Variants in FYN observed in about 807,000 individuals in gnomAD.
FYN encodes FYN proto-oncogene, Src family tyrosine kinase.
A neutral mutation model predicts 70.2 loss-of-function variants in FYN; 10 were observed. The ratio of observed to expected loss-of-function variants is 0.14; its 90% CI spans 0.09 to 0.24. The LOEUF (loss-of-function observed/expected upper bound fraction) is 0.24, where lower values mean the gene tolerates loss of function less well. Ranked by LOEUF, FYN falls within the 10% of genes least tolerant of loss-of-function variation. The pLI is 1.00. For synonymous variants in FYN, 236 were observed against 248.6 expected (o/e 0.95, Z 0.48); for missense variants, 319 against 673.1 (o/e 0.47, Z 5.82).
chr6:111,782,464 A>AC (rs1196114762), intron 2 of FYN, among the ~76,000 whole-genome samples: 1 of 152,174 alleles, frequency 6.6e-6, no homozygotes, highest in Non-Finnish European at 1.5e-5. Flanking sequence ...TAGATGGGAC[A>AC]CCTAAGCATT....
chr6:111,841,027 A>T (rs1462118522), intron 2 of FYN, among the ~76,000 whole-genome samples: 2 of 151,912 alleles, frequency 1.3e-5, no homozygotes, highest in African/African-American at 4.8e-5. Context: ...ATTTCTCCCC[A>T]CTCTCTCCTG....
At chr6:111,864,345 A>G (rs1774045739) in intron 1 of FYN, among the ~76,000 whole-genome samples, 1 of 152,220 alleles carries the variant, frequency 6.6e-6, no homozygotes, top group African/African-American at 2.4e-5. Flanking sequence ...GACGCTGACT[A>G]AATCACTTAG....
At chr6:111,679,785 T>C (rs1798707871) in intron 12 of FYN, among the ~76,000 whole-genome samples, 1 of 151,952 alleles carries the variant, frequency 6.6e-6, no homozygotes, top group East Asian at 1.9e-4. Context: ...CCAAAGGAAG[T>C]GTGTTCAGAT....
chr6:111,680,412 T>C (rs537864509), intron 12 of FYN, among the ~76,000 whole-genome samples: 2 of 152,342 alleles, frequency 1.3e-5, no homozygotes, highest in Admixed American at 1.3e-4. Flanking sequence ...AGGACAGATT[T>C]TGTGGGACTC....
intron 2 of FYN, among the ~76,000 whole-genome samples, chr6:111,829,301 G>C (rs1347477140): frequency 6.6e-6 from 1 of 152,068 alleles, no homozygotes; most frequent in Admixed American, 6.6e-5. Context: ...TACTCTCCCC[G>C]GGCCTCTGAT....
intron 3 of FYN, among the ~76,000 whole-genome samples, chr6:111,764,295 C>T (rs1315000299): frequency 7.2e-6 from 1 of 138,398 alleles, no homozygotes; most frequent in Non-Finnish European, 1.6e-5. Context: ...TAATAAGAAA[C>T]CTCTGAGGAA....
chr6:111,742,144 A>T (rs931536485), intron 3 of FYN, among the ~76,000 whole-genome samples: 7 of 152,184 alleles, frequency 4.6e-5, no homozygotes, highest in Non-Finnish European at 1.0e-4. Flanking sequence ...GGGATGGTCT[A>T]CATTTTACTT....
chr6:111,815,274 A>G (rs1385030749), intron 2 of FYN, among the ~76,000 whole-genome samples: 1 of 152,194 alleles, frequency 6.6e-6, no homozygotes, highest in Non-Finnish European at 1.5e-5. Context: ...TGCAGCCTGT[A>G]AACTGTTTAA....
At chr6:111,692,226 C>T (rs948756210) in intron 12 of FYN, among the ~76,000 whole-genome samples, 4 of 151,886 alleles carry the variant, frequency 2.6e-5, no homozygotes, top group South Asian at 4.2e-4. Context: ...GAAGGAAGGA[C>T]GGGACCCTCG....
At chr6:111,726,059 G>A (rs915571416) in intron 3 of FYN, among the ~76,000 whole-genome samples, 8 of 152,196 alleles carry the variant, frequency 5.3e-5, no homozygotes. Flanking sequence ...CACATGGGTG[G>A]TCAGAGCTGA....
In FYN at chr6:111,862,326, C is replaced by A. The variant is rs183321051; in HGVS notation, c.-123+10642G>T. Among the ~76,000 whole-genome samples, 6 of 152,304 alleles carry A rather than the reference C, an allele frequency of 3.9e-5. No homozygotes were observed. The East Asian group carries it at 1.2e-3, about 29-fold the overall frequency. On this transcript the variant is annotated intron_variant, in intron 1 of 13. Coordinates refer to ENST00000354650, the MANE Select transcript of FYN (RefSeq NM_002037.5). Reference sequence around the variant, plus strand: ...AAGCTCAAGATTACAAACAAAAAATCTTCAAACACATATCATTCTCAAAAT... The same window carrying A: ...AAGCTCAAGATTACAAACAAAAAATATTCAAACACATATCATTCTCAAAAT...
At chr6:111,703,852 G>T in intron 7 of FYN, 147 bp downstream of exon 7, 1 of 629,786 alleles carries the variant, frequency 1.6e-6, no homozygotes. Flanking sequence ...GAGCCTGGAG[G>T]GAAGACTGAA....
At chr6:111,825,500 C>CA (rs1772803977) in intron 2 of FYN, among the ~76,000 whole-genome samples, 1 of 152,194 alleles carries the variant, frequency 6.6e-6, no homozygotes, top group Non-Finnish European at 1.5e-5. Context: ...ATGAAGATCT[C>CA]AATACCTACC....
intron 3 of FYN, among the ~76,000 whole-genome samples, chr6:111,768,879 T>C (rs1299772044): frequency 6.6e-6 from 1 of 152,234 alleles, no homozygotes; most frequent in Non-Finnish European, 1.5e-5. Context: ...CTAAATGACA[T>C]TTTGAAATGA....
intron 3 of FYN, among the ~76,000 whole-genome samples, chr6:111,772,553 C>G (rs1803490539): frequency 6.6e-6 from 1 of 152,162 alleles, no homozygotes; most frequent in African/African-American, 2.4e-5. Context: ...AACAAGGTGA[C>G]TTCTTCTGCT....
At chr6:111,823,588 C>T (rs933890680) in intron 2 of FYN, among the ~76,000 whole-genome samples, 11 of 152,156 alleles carry the variant, frequency 7.2e-5, no homozygotes, top group African/African-American at 2.4e-4. Context: ...TAAAAATCAT[C>T]CCCTCTTACT....
chr6:111,794,603 A>G (rs978798667), intron 2 of FYN, among the ~76,000 whole-genome samples: 1 of 152,210 alleles, frequency 6.6e-6, no homozygotes, highest in African/African-American at 2.4e-5. Flanking sequence ...AATGGTTTTT[A>G]CATTTTTAAA....
intron 4 of FYN, among the ~76,000 whole-genome samples, chr6:111,715,749 G>A (rs987193351): frequency 1.3e-5 from 2 of 152,150 alleles, no homozygotes; most frequent in Admixed American, 6.5e-5. Context: ...CCCAGCCAAC[G>A]TACCTTGATT....
chr6:111,797,673 T>TC (rs1771851253), intron 2 of FYN, among the ~76,000 whole-genome samples: 1 of 45,260 alleles, frequency 2.2e-5, no homozygotes, highest in African/African-American at 5.1e-4. Flanking sequence ...TTCATATATA[T>TC]ATATATATAT....
Sources: allele counts gnomAD v4.1 joint callset (sites outside exome capture counted in the v4.1 genomes callset), GRCh38; gene constraint gnomAD v4.1.1; transcripts MANE v1.5; gene names NCBI Gene and HGNC (gene_info 2026-07-23, HGNC 2026-07-21).